SOBP: variants seen among roughly 807,000 people sequenced by gnomAD.
SOBP encodes sine oculis-binding protein homolog.
SOBP carries 4 observed loss-of-function variants against 53.6 expected under a neutral mutation model. The observed-to-expected ratio is 0.07, with a 90% CI of 0.04 to 0.17. The LOEUF is 0.17. SOBP is among the 10% of genes least tolerant of loss of function. The pLI is 1.00. For synonymous variants in SOBP, 584 were observed against 522.6 expected, an observed-to-expected ratio of 1.12 and a Z score of -1.60; for missense variants, 1,088 against 1,204.7, an observed-to-expected ratio of 0.90 and a Z score of 1.43.
At chr6:107,591,081 A>C (rs1362532602) in intron 5 of SOBP, among the ~76,000 whole-genome samples, 1 of 152,142 alleles carries the variant, frequency 6.6e-6, no homozygotes, top group African/African-American at 2.4e-5. Flanking sequence ...GACTTTATAC[A>C]CTGTCATCCT....
chr6:107,528,239 T>G (rs1006298055), intron 3 of SOBP, among the ~76,000 whole-genome samples: 2 of 152,234 alleles, frequency 1.3e-5, no homozygotes, highest in African/African-American at 4.8e-5. Context: ...AGAAATGACC[T>G]TCTAGTGGTA....
chr6:107,563,504 ACT>A (rs1328636704), intron 4 of SOBP, among the ~76,000 whole-genome samples: 2 of 152,134 alleles, frequency 1.3e-5, no homozygotes, highest in Admixed American at 6.6e-5. Flanking sequence ...CAATATTAAA[ACT>A]CTGTATTTTA....
rs1782991815 is a variant in SOBP, at chr6:107,506,353, C to T, written c.347C>T (p.Ala116Val). The T allele has an allele frequency of 1.9e-6, 3 of 1,614,194 alleles. No homozygotes were observed. The highest frequency in any genetic ancestry group is 1.6e-4 in the Middle Eastern group (1 of 6,062). ...GGAAATGGACTCAGTGACTCACCTG[C>T]AGGGTCAAAGGATCATGGCAGTGTG... ...ATGNGLSDSP[A>V]GSKDHGSVPI... Residue 116 changes from alanine to valine, a missense_variant, in exon 3 of 7, where the codon GCA becomes GTA. Ala to Val is a moderately conservative substitution (Grantham distance 64). Transcript: ENST00000317357.
intron 4 of SOBP, among the ~76,000 whole-genome samples, chr6:107,553,780 C>G (rs1784533836): frequency 1.3e-5 from 2 of 152,160 alleles, no homozygotes; most frequent in African/African-American, 4.8e-5. Context: ...GCCACTGTGC[C>G]TGGCCAATTT....
intron 6 of SOBP, among the ~76,000 whole-genome samples, chr6:107,649,065 A>G (rs2115172252): frequency 6.9e-6 from 1 of 145,910 alleles, no homozygotes; most frequent in African/African-American, 2.5e-5. Context: ...GCTACTCAGG[A>G]GGCTGAGGCC....
At chr6:107,588,792 C>T (rs1322559514) in intron 5 of SOBP, among the ~76,000 whole-genome samples, 1 of 152,132 alleles carries the variant, frequency 6.6e-6, no homozygotes, top group African/African-American at 2.4e-5. Flanking sequence ...TTTGTCATTG[C>T]TGTGCTTAAA....
rs2115144016 is a variant in SOBP, at chr6:107,634,062, G to A, written c.1218G>A (p.Gln406=). 1.2e-6 allele frequency: 2 copies of A among 1,603,000 alleles called. No individual in the cohort carries two copies. The highest frequency in any genetic ancestry group is 1.7e-6 in the Non-Finnish European group (2 of 1,173,928). The change falls in exon 6 of 7, where the codon CAG becomes CAA. Residue 406 remains glutamine, a synonymous_variant. Coordinates refer to ENST00000317357, the MANE Select transcript of SOBP (RefSeq NM_018013.4). This position sits in a 1 kb window ranked among gnomAD's most constrained non-coding sequence, Gnocchi z 4.5. ...PIFMEQQIMQ[Q]IRPPFIRGPP... is the part of the protein sequence containing the mutation. ...TCATGGAGCAGCAGATCATGCAGCA[G>A]ATCCGCCCGCCCTTCATCCGCGGGC...
intron 5 of SOBP, among the ~76,000 whole-genome samples, chr6:107,589,343 C>T (rs992301693): frequency 1.3e-5 from 2 of 152,144 alleles, no homozygotes; most frequent in African/African-American, 4.8e-5. Flanking sequence ...CAGAAAGTGC[C>T]CTGGCCAGGT....
At chr6:107,624,583 T>G (rs1313477995) in intron 5 of SOBP, among the ~76,000 whole-genome samples, 2 of 152,220 alleles carry the variant, frequency 1.3e-5, no homozygotes, top group Non-Finnish European at 2.9e-5. Context: ...CAATGCTGGT[T>G]GACAACAAAA....
intron 4 of SOBP, among the ~76,000 whole-genome samples, chr6:107,533,842 G>C (rs1331146880): frequency 6.6e-6 from 1 of 152,208 alleles, no homozygotes; most frequent in African/African-American, 2.4e-5. Context: ...GAATGAATCT[G>C]ATGAGGACAC....
chr6:107,548,493 T>C (rs887391875), intron 4 of SOBP, among the ~76,000 whole-genome samples: 6 of 152,062 alleles, frequency 3.9e-5, no homozygotes, highest in East Asian at 3.9e-4. Context: ...GCGCCCGCCT[T>C]GGCCTCCCAA....
intron 3 of SOBP, 140 bp from the exon 4 acceptor site, chr6:107,533,319 G>T: frequency 2.0e-6 from 1 of 505,418 alleles, no homozygotes; most frequent in East Asian, 4.0e-5. Context: ...GAGAGAGAGA[G>T]AGAGAAAGAA....
Position 107,490,475 on chromosome 6 carries a change from G to A in SOBP, c.-142G>A. The A allele has an allele frequency of 1.6e-6, 1 of 619,072 alleles. No individual in the cohort carries two copies. The highest frequency in any genetic ancestry group is 2.8e-5 in the Admixed American group (1 of 35,206). 38.3% of individuals were successfully genotyped at this position (619,072 alleles called of 1,614,324 possible). A position where few individuals can be genotyped will look rare whatever the true frequency, so the allele number is the denominator to read the frequency against. On this transcript the variant is annotated 5_prime_UTR_variant, in exon 1 of 7. Transcript: ENST00000317357. ...TCTCGGCGCCTGCCCTCCCCCTCGCGGCTCGGTCCGGCCCCGCCAGCACCG... is the reference window on the plus strand; with the variant it reads ...TCTCGGCGCCTGCCCTCCCCCTCGCAGCTCGGTCCGGCCCCGCCAGCACCG...
At position 107,635,608 on chromosome 6, in the gene SOBP, T is replaced by TC; in HGVS notation, c.*3+140dup. ...TATTGCACACGGTGTGGTCACGCTA[T>TC]CAACATTCTGAGCCAGCAGCTCTGA... is the stretch of plus-strand genomic sequence containing the variant. On this transcript the variant is annotated intron_variant, in intron 6 of 6. Transcript: ENST00000317357. This position sits in a 1 kb window ranked among gnomAD's most constrained non-coding sequence, Gnocchi z 4.5. 8.2e-7 allele frequency: 1 copy of TC among 1,219,460 alleles called. No individual in the cohort carries two copies. The highest frequency in any genetic ancestry group is 1.2e-6 in the Non-Finnish European group (1 of 857,328). 75.5% of individuals were successfully genotyped at this position (1,219,460 alleles called of 1,614,324 possible).
chr6:107,603,878 G>C (rs959550741), intron 5 of SOBP, among the ~76,000 whole-genome samples: 1 of 152,146 alleles, frequency 6.6e-6, no homozygotes, highest in Non-Finnish European at 1.5e-5. Flanking sequence ...ACTTTGGATT[G>C]AACAATTGGA....
rs1057330247 is a variant in SOBP, at chr6:107,526,452, C to T, written c.422-7007C>T. On this transcript the variant is annotated intron_variant, in intron 3 of 6. Coordinates refer to ENST00000317357, the MANE Select transcript of SOBP (RefSeq NM_018013.4). ...GGATTCTTGCCCATTTCAAGCCTGT[C>T]TTCCACTCTCTGGCTCCTGCAGTTC... 2.6e-5 allele frequency among the ~76,000 whole-genome samples: 4 copies of T among 152,202 alleles called. No homozygotes were observed. The East Asian group carries it at 7.7e-4, about 29-fold the overall frequency.
In SOBP at chr6:107,506,381, C is replaced by T; in HGVS notation, c.375C>T (p.Pro125=). The T allele has an allele frequency of 6.2e-7, 1 of 1,614,182 alleles. No individual in the cohort carries two copies. Among genetic ancestry groups the T allele is most frequent in the Non-Finnish European group, 8.5e-7 (1 of 1,180,030 alleles). ...GGTCAAAGGATCATGGCAGTGTGCC[C>T]ATTATTGTACCTTTAATTCCACCAC... is the stretch of plus-strand genomic sequence containing the variant. The part of the protein sequence containing the change: ...PAGSKDHGSV[P]IIVPLIPPPF... The change falls in exon 3 of 7, where the codon CCC becomes CCT. Residue 125 remains proline (P), a synonymous_variant. Coordinates refer to ENST00000317357, the MANE Select transcript of SOBP (RefSeq NM_018013.4).
intron 4 of SOBP, among the ~76,000 whole-genome samples, chr6:107,538,655 A>G (rs999411928): frequency 3.9e-5 from 6 of 152,154 alleles, no homozygotes; most frequent in Non-Finnish European, 8.8e-5. Context: ...TCACTGCCTC[A>G]TGTGTATAGT....
At chr6:107,560,163 C>T (rs184329961) in intron 4 of SOBP, among the ~76,000 whole-genome samples, 1 of 152,216 alleles carries the variant, frequency 6.6e-6, no homozygotes, top group South Asian at 2.1e-4. Context: ...CCTGCCTTCA[C>T]CCTACCAATC....
Sources: gnomAD v4.1 joint callset for allele counts (sites outside exome capture counted in the v4.1 genomes callset) on GRCh38, gnomAD v4.1.1 for gene constraint, Gnocchi (gnomAD v3.1) non-coding constraint, MANE v1.5 for transcripts, NCBI Gene and HGNC (gene_info 2026-07-23, HGNC 2026-07-21) for gene names.